Variants in CNOT6L observed in about 807,000 individuals in gnomAD.
CNOT6L encodes CCR4-NOT transcription complex subunit 6-like.
In CNOT6L, 7 loss-of-function variants were observed where a neutral mutation model predicts 64.0. The observed-to-expected ratio is 0.11, with a 90% CI of 0.06 to 0.21. CNOT6L has a LOEUF of 0.21. CNOT6L is among the 10% of genes least tolerant of loss of function. The pLI, the probability that CNOT6L is intolerant of heterozygous loss-of-function variation, is 1.00. For synonymous variants in CNOT6L, 193 were observed against 243.4 expected, an observed-to-expected ratio of 0.79 and a Z score of 1.93; for missense variants, 245 against 669.0, an observed-to-expected ratio of 0.37 and a Z score of 6.99.
chr4:77,720,790 T>C, intron 11 of CNOT6L, 147 bp from the exon 12 acceptor site: 1 of 700,754 alleles, frequency 1.4e-6, no homozygotes, highest in East Asian at 2.7e-5. Flanking sequence ...AAATATTCAA[T>C]GGGTATTACA....
At chr4:77,762,546 T>A (rs924737803) in intron 4 of CNOT6L, among the ~76,000 whole-genome samples, 1 of 152,108 alleles carries the variant, frequency 6.6e-6, no homozygotes, top group Non-Finnish European at 1.5e-5. Flanking sequence ...TATATAAAAA[T>A]TAACTCAAAA....
intron 1 of CNOT6L, among the ~76,000 whole-genome samples, chr4:77,805,209 C>T (rs1300108927): frequency 6.6e-6 from 1 of 152,080 alleles, no homozygotes; most frequent in Non-Finnish European, 1.5e-5. Context: ...AGCAGGATAA[C>T]CAGAAAATTA....
chr4:77,776,668 C>T (rs1027467752), intron 1 of CNOT6L, among the ~76,000 whole-genome samples: 1 of 152,218 alleles, frequency 6.6e-6, no homozygotes, highest in Non-Finnish European at 1.5e-5. Context: ...AACTCCTTCC[C>T]TTCATTTAGC....
At chr4:77,817,996 G>A (rs997441485) in intron 1 of CNOT6L, among the ~76,000 whole-genome samples, 3 of 152,198 alleles carry the variant, frequency 2.0e-5, no homozygotes, top group Non-Finnish European at 4.4e-5. Context: ...TTGGCAGCAG[G>A]TTTATCTTTA....
chr4:77,787,159 G>A (rs751391354), intron 1 of CNOT6L, among the ~76,000 whole-genome samples: 4 of 151,974 alleles, frequency 2.6e-5, no homozygotes, highest in Non-Finnish European at 4.4e-5. Flanking sequence ...CCAGCTACTC[G>A]GGAGGCTGAG....
chr4:77,790,724 C>T (rs543756661), intron 1 of CNOT6L, among the ~76,000 whole-genome samples: 8 of 151,762 alleles, frequency 5.3e-5, no homozygotes, highest in African/African-American at 9.7e-5. Flanking sequence ...AATTTTGAGA[C>T]GGATTCTTGC....
intron 8 of CNOT6L, among the ~76,000 whole-genome samples, chr4:77,739,211 G>A (rs925210208): frequency 4.6e-5 from 7 of 152,022 alleles, no homozygotes; most frequent in Non-Finnish European, 7.4e-5. Flanking sequence ...TTATTGTTGC[G>A]TATTCTGTAC....
chr4:77,721,274 A>G (rs1355437519), intron 11 of CNOT6L, among the ~76,000 whole-genome samples: 1 of 152,222 alleles, frequency 6.6e-6, no homozygotes, highest in Non-Finnish European at 1.5e-5. Context: ...AAGACAACTC[A>G]GCAAAAATCA....
chr4:77,760,720 A>AG (rs1026259406), intron 4 of CNOT6L, among the ~76,000 whole-genome samples: 1 of 151,712 alleles, frequency 6.6e-6, no homozygotes, highest in Non-Finnish European at 1.5e-5. Flanking sequence ...GTAAAAGGAA[A>AG]GGAAATTTTT....
intron 1 of CNOT6L, among the ~76,000 whole-genome samples, chr4:77,808,462 C>CAAAA (rs1191618329): frequency 2.0e-3 from 121 of 59,744 alleles, no homozygotes; most frequent in Non-Finnish European, 3.4e-3. Context: ...TCTGCCATCT[C>CAAAA]AAAAAAAAAA....
chr4:77,759,024 TACC>T (rs776171410), intron 4 of CNOT6L, among the ~76,000 whole-genome samples: 5 of 151,860 alleles, frequency 3.3e-5, no homozygotes, highest in Non-Finnish European at 5.9e-5. Flanking sequence ...CTCCGCACCT[TACC>T]ACTACATCAA....
chr4:77,756,042 G>A (rs755260628), intron 5 of CNOT6L, among the ~76,000 whole-genome samples: 23 of 151,892 alleles, frequency 1.5e-4, no homozygotes, highest in African/African-American at 3.4e-4. Flanking sequence ...GGAGTGCAGC[G>A]GCACGATCTC....
chr4:77,744,711 G>A lies in CNOT6L; in HGVS notation c.717+7C>T, dbSNP rs772353399. The A allele has an allele frequency of 2.5e-6, 4 of 1,605,166 alleles. No individual in the cohort carries two copies. Among genetic ancestry groups the A allele is most frequent in the Admixed American group, 1.7e-5 (1 of 58,380 alleles). ...AGTTAAAGACAGTTTAATTTCTATGGTGTTACCTGAAGACTAATGATATCT... is the reference window on the plus strand; with the variant it reads ...AGTTAAAGACAGTTTAATTTCTATGATGTTACCTGAAGACTAATGATATCT... On this transcript the variant is annotated splice_region_variant and intron_variant, in intron 7 of 11. Coordinates refer to ENST00000504123, the MANE Select transcript of CNOT6L (RefSeq NM_144571.3).
chr4:77,770,512 A>G (rs1327249811), intron 4 of CNOT6L, among the ~76,000 whole-genome samples: 1 of 152,234 alleles, frequency 6.6e-6, no homozygotes, highest in Non-Finnish European at 1.5e-5. Context: ...AACTTTTTTA[A>G]AAGGAAGAGA....
chr4:77,810,000 A>G (rs534815146), intron 1 of CNOT6L, among the ~76,000 whole-genome samples: 19 of 151,988 alleles, frequency 1.3e-4, no homozygotes, highest in African/African-American at 3.9e-4. Flanking sequence ...TTATTAGACT[A>G]CTTATTTCTT....
At position 77,722,657 on chromosome 4, in the gene CNOT6L, G is replaced by A. The variant is rs753922735; in HGVS notation, c.1456-2014C>T. On this transcript the variant is annotated intron_variant, in intron 11 of 11. Coordinates refer to ENST00000504123, the MANE Select transcript of CNOT6L (RefSeq NM_144571.3). ...AGTTAAACACTCCAGGAAGTAAGAC[G>A]CTTTTAATTGAATGCATCACTTGTA... is the stretch of plus-strand genomic sequence containing the variant. 7.2e-5 allele frequency among the ~76,000 whole-genome samples: 11 copies of A among 152,116 alleles called. 1 individual carries two copies. Among genetic ancestry groups the A allele is most frequent in the Admixed American group, 1.3e-4 (2 of 15,270 alleles).
intron 1 of CNOT6L, among the ~76,000 whole-genome samples, chr4:77,813,353 TTA>T: frequency 6.6e-6 from 1 of 152,260 alleles, no homozygotes; most frequent in African/African-American, 2.4e-5. Flanking sequence ...ATTAGCTAGA[TTA>T]GAAACAAGAA....
At chr4:77,774,861 T>C (rs1337636893) in intron 2 of CNOT6L, 145 bp from the exon 3 acceptor site, 2 of 542,638 alleles carry the variant, frequency 3.7e-6, no homozygotes, top group African/African-American at 3.9e-5. Flanking sequence ...TTAATGCCAT[T>C]TGATTGCTTC....
At chr4:77,799,744 C>A (rs1241239368) in intron 1 of CNOT6L, among the ~76,000 whole-genome samples, 5 of 143,150 alleles carry the variant, frequency 3.5e-5, no homozygotes, top group African/African-American at 5.1e-5. Context: ...CAGACCCAAA[C>A]TAAGAAGTTG....
Sources: allele counts gnomAD v4.1 joint callset (sites outside exome capture counted in the v4.1 genomes callset), GRCh38; gene constraint gnomAD v4.1.1; transcripts MANE v1.5; gene names NCBI Gene and HGNC (gene_info 2026-07-23, HGNC 2026-07-21).